PPP4R3A: variants seen among roughly 807,000 people sequenced by gnomAD.
PPP4R3A encodes protein phosphatase 4 regulatory subunit 3A, also known as serine/threonine-protein phosphatase 4 regulatory subunit 3A.
A neutral mutation model predicts 91.7 loss-of-function variants in PPP4R3A; 15 were observed. The observed-to-expected ratio is 0.16, with a 90% confidence interval of 0.11 to 0.25. The LOEUF (loss-of-function observed/expected upper bound fraction) is 0.25, where lower values mean the gene tolerates loss of function less well. Among genes scored for constraint, PPP4R3A ranks in the 10% least tolerant of loss-of-function variants. PPP4R3A has a pLI of 1.00. For missense variants in PPP4R3A, 623 were observed against 998.4 expected (o/e 0.62, Z 5.07); for synonymous variants, 377 against 348.7 (o/e 1.08, Z -0.91).
At chr14:91,458,951 T>C (rs1418404779) in intron 14 of PPP4R3A, 82 bp from the exon 15 acceptor site, 6 of 1,444,026 alleles carry the variant, frequency 4.2e-6, no homozygotes, top group African/African-American at 2.9e-5. Flanking sequence ...AGAAAGAAAA[T>C]AGATCCTACC....
In PPP4R3A at chr14:91,509,709, A is replaced by G. The variant is rs902298801; in HGVS notation, c.-62T>C. Reference sequence around the variant, plus strand: ...TAGACGCCCAGGAAAGGGGCCCTGGAGAGGCGAGGGGCGAGGCGTGAGGGC... The same window carrying G: ...TAGACGCCCAGGAAAGGGGCCCTGGGGAGGCGAGGGGCGAGGCGTGAGGGC... On this transcript the variant is annotated 5_prime_UTR_variant, in exon 1 of 15. Transcript: ENST00000554943. 1.6e-5 allele frequency: 25 copies of G among 1,551,378 alleles called. No homozygotes were observed. The highest frequency in any genetic ancestry group is 2.1e-5 in the Non-Finnish European group (24 of 1,156,904).
At chr14:91,468,437 C>T (rs748769437) in intron 10 of PPP4R3A, among the ~76,000 whole-genome samples, 3 of 152,010 alleles carry the variant, frequency 2.0e-5, no homozygotes, top group Non-Finnish European at 2.9e-5. Flanking sequence ...TTTGGGAGGC[C>T]GAGGCAGGCG....
chr14:91,474,363 C>T (rs1889042810), intron 7 of PPP4R3A, among the ~76,000 whole-genome samples: 1 of 152,132 alleles, frequency 6.6e-6, no homozygotes, highest in Admixed American at 6.5e-5. Flanking sequence ...AAAATCCCTG[C>T]TCTTGCCTAT....
chr14:91,458,486 GTT>G lies in PPP4R3A; in HGVS notation c.*271_*272del. ...GTTCCACTTACAAAACCCCTGCCCT[GTT>G]GGCTTTTTGTTTCCATTTCCTTCCC... On this transcript the variant is annotated 3_prime_UTR_variant, in exon 15 of 15. Transcript: ENST00000554943. The G allele has an allele frequency of 2.0e-6, 1 of 489,376 alleles. No individual in the cohort carries two copies. Among genetic ancestry groups the G allele is most frequent in the Non-Finnish European group, 3.7e-6 (1 of 268,370 alleles). 30.3% of individuals were successfully genotyped at this position (489,376 alleles called of 1,614,324 possible). A position where few individuals can be genotyped will look rare whatever the true frequency, so the allele number is the denominator to read the frequency against.
At chr14:91,506,825 T>C (rs955840444) in intron 1 of PPP4R3A, among the ~76,000 whole-genome samples, 58 of 152,170 alleles carry the variant, frequency 3.8e-4, no homozygotes, top group Non-Finnish European at 2.9e-5. Context: ...GCTGGGATTA[T>C]AGGCGTGAGC....
chr14:91,485,842 C>A (rs1889845280), intron 2 of PPP4R3A, 112 bp from the exon 3 acceptor site: 1 of 574,316 alleles, frequency 1.7e-6, no homozygotes, highest in South Asian at 3.1e-5. Flanking sequence ...AACACTAATA[C>A]TGGCAATTAT....
At chr14:91,487,471 C>T (rs951675653) in intron 2 of PPP4R3A, among the ~76,000 whole-genome samples, 1 of 151,846 alleles carries the variant, frequency 6.6e-6, no homozygotes, top group African/African-American at 2.4e-5. Flanking sequence ...TTTTTTCAAG[C>T]TGGTACAAAG....
intron 1 of PPP4R3A, among the ~76,000 whole-genome samples, chr14:91,499,410 A>T (rs1031456290): frequency 6.6e-6 from 1 of 152,182 alleles, no homozygotes; most frequent in African/African-American, 2.4e-5. Context: ...ACTACTTTTA[A>T]ATGAGATCTG....
chr14:91,482,692 AATAT>A (rs1206460128), intron 3 of PPP4R3A, among the ~76,000 whole-genome samples: 1 of 152,176 alleles, frequency 6.6e-6, no homozygotes, highest in African/African-American at 2.4e-5. Context: ...GATCACAGAA[AATAT>A]ATATAATTAT....
intron 3 of PPP4R3A, 89 bp from the exon 4 acceptor site, chr14:91,482,282 G>C: frequency 7.3e-7 from 1 of 1,364,030 alleles, no homozygotes; most frequent in Non-Finnish European, 9.7e-7. Context: ...TAGAAATGTT[G>C]TAAGAAACCT....
chr14:91,492,000 A>G (rs1033460815), intron 1 of PPP4R3A, among the ~76,000 whole-genome samples: 2 of 152,224 alleles, frequency 1.3e-5, no homozygotes, highest in Admixed American at 1.3e-4. Context: ...CACTGCACCC[A>G]GCCAATAAAT....
rs1467448994 is a variant in PPP4R3A, at chr14:91,457,739, C to T, written c.*1020G>A. 1 of 152,610 alleles carries T rather than the reference C, an allele frequency of 6.6e-6. No individual in the cohort carries two copies. Among genetic ancestry groups the T allele is most frequent in the Non-Finnish European group, 1.5e-5 (1 of 68,018 alleles). 9.5% of individuals were successfully genotyped at this position (152,610 alleles called of 1,614,324 possible). ...GAAATTTCAGAATCTCTTTGGAATA[C>T]TAATTTCATGTTTCTAGATTTAACA... On this transcript the variant is annotated 3_prime_UTR_variant, in exon 15 of 15. Coordinates refer to ENST00000554943, the MANE Select transcript of PPP4R3A (RefSeq NM_001366432.2).
intron 14 of PPP4R3A, among the ~76,000 whole-genome samples, chr14:91,460,600 T>C (rs917119527): frequency 9.9e-5 from 15 of 151,872 alleles, no homozygotes; most frequent in African/African-American, 2.9e-4. Context: ...TATTCTGAGA[T>C]TGCATGTTTT....
intron 3 of PPP4R3A, among the ~76,000 whole-genome samples, chr14:91,484,499 G>A (rs920804208): frequency 6.6e-6 from 1 of 152,158 alleles, no homozygotes; most frequent in Non-Finnish European, 1.5e-5. Context: ...CAGCAGAGGT[G>A]ACCTAGCTGT....
At chr14:91,477,047 C>A in intron 4 of PPP4R3A, 61 bp from the exon 5 acceptor site, 1 of 1,315,578 alleles carries the variant, frequency 7.6e-7, no homozygotes, top group East Asian at 2.6e-5. Context: ...AATATAATTT[C>A]AGGAATGCTT....
chr14:91,480,723 T>C (rs894521854), intron 4 of PPP4R3A, among the ~76,000 whole-genome samples: 2 of 152,144 alleles, frequency 1.3e-5, no homozygotes, highest in African/African-American at 2.4e-5. Flanking sequence ...AAGTTCAGCA[T>C]TCAACCATTT....
chr14:91,473,920 C>A (rs936997116), intron 7 of PPP4R3A, among the ~76,000 whole-genome samples: 1 of 152,310 alleles, frequency 6.6e-6, no homozygotes, highest in Middle Eastern at 3.4e-3. Flanking sequence ...CAGGCATGCA[C>A]CACCATGCCC....
chr14:91,475,473 T>C (rs1889140157), intron 7 of PPP4R3A: 3 of 229,910 alleles, frequency 1.3e-5, no homozygotes, highest in African/African-American at 2.3e-5. Context: ...AAGTCAATGT[T>C]TTCCTAGGTA....
At chr14:91,503,774 G>A (rs1891108125) in intron 1 of PPP4R3A, among the ~76,000 whole-genome samples, 1 of 152,096 alleles carries the variant, frequency 6.6e-6, no homozygotes, top group Non-Finnish European at 1.5e-5. Flanking sequence ...TCACCACAAA[G>A]GGAGAGCATA....
Sources: gnomAD v4.1 joint callset for allele counts (sites outside exome capture counted in the v4.1 genomes callset) on GRCh38, gnomAD v4.1.1 for gene constraint, MANE v1.5 for transcripts, NCBI Gene and HGNC (gene_info 2026-07-23, HGNC 2026-07-21) for gene names.